CTNNBL1: variants seen among roughly 807,000 people sequenced by gnomAD.
CTNNBL1 encodes beta-catenin-like protein 1.
In CTNNBL1, 31 loss-of-function variants were observed where a neutral mutation model predicts 72.7. The observed-to-expected ratio is 0.43, with a 90% CI of 0.32 to 0.58. CTNNBL1 has a LOEUF of 0.58. CTNNBL1 is among the 20% of genes least tolerant of loss of function. CTNNBL1 has a pLI of 0.08. For missense variants in CTNNBL1, 534 were observed against 725.1 expected (o/e 0.74, Z 3.03); for synonymous variants, 240 against 267.3 (o/e 0.90, Z 1.00).
Position 37,696,496 on chromosome 20 carries a change from T to C in CTNNBL1, c.30+2344T>C, listed in dbSNP as rs1288429327. Among the ~76,000 whole-genome samples, 4 of 139,938 alleles carry C rather than the reference T, an allele frequency of 2.9e-5. No individual in the cohort carries two copies. The East Asian group carries it at 8.5e-4, about 30-fold the overall frequency. The allele number at this position is 139,938 out of a possible 152,430, so 91.8% of individuals were successfully genotyped here. On this transcript the variant is annotated intron_variant, in intron 1 of 15. Coordinates refer to ENST00000361383, the MANE Select transcript of CTNNBL1 (RefSeq NM_030877.5). ...TTCACTCTTGTTGCCCAGGCTGGAG[T>C]GCAATGGTGAGATCTCAGCTGACTG...
chr20:37,785,657 A>G (rs751321324), intron 10 of CTNNBL1, among the ~76,000 whole-genome samples: 12 of 152,208 alleles, frequency 7.9e-5, no homozygotes, highest in South Asian at 2.1e-4. Context: ...TGTTATCTCA[A>G]ATTTCATAAA....
chr20:37,833,579 T>TGTGC (rs1424298252), intron 11 of CTNNBL1, among the ~76,000 whole-genome samples: 2 of 152,200 alleles, frequency 1.3e-5, no homozygotes, highest in Admixed American at 6.5e-5. Flanking sequence ...TGTGTGTGTG[T>TGTGC]GTGCGTGTGT....
At chr20:37,830,430 G>A (rs1213226302) in intron 11 of CTNNBL1, among the ~76,000 whole-genome samples, 3 of 152,072 alleles carry the variant, frequency 2.0e-5, no homozygotes, top group Non-Finnish European at 4.4e-5. Context: ...TCTGGTGAAC[G>A]GAGCCTTCCC....
At chr20:37,860,251 A>C (rs769950293) in intron 14 of CTNNBL1, 21 bp from the exon 15 acceptor site, 5 of 1,606,118 alleles carry the variant, frequency 3.1e-6, no homozygotes, top group African/African-American at 2.7e-5. Context: ...TTCTTTCTCT[A>C]CCCATTTTTT....
At chr20:37,870,319 C>T (rs1392951783) in intron 15 of CTNNBL1, among the ~76,000 whole-genome samples, 1 of 152,024 alleles carries the variant, frequency 6.6e-6, no homozygotes, top group African/African-American at 2.4e-5. Flanking sequence ...AGACTATTCT[C>T]TCTCCCTCCC....
At chr20:37,723,801 T>A (rs1357185665) in intron 1 of CTNNBL1, among the ~76,000 whole-genome samples, 2 of 152,236 alleles carry the variant, frequency 1.3e-5, no homozygotes, top group African/African-American at 4.8e-5. Flanking sequence ...TTATGAACTT[T>A]GGCTGATGAT....
chr20:37,766,509 G>T (rs927842265), intron 6 of CTNNBL1, among the ~76,000 whole-genome samples: 2 of 152,198 alleles, frequency 1.3e-5, no homozygotes, highest in Admixed American at 6.5e-5. Flanking sequence ...GACAATGCTG[G>T]GTGACAGACG....
intron 10 of CTNNBL1, among the ~76,000 whole-genome samples, chr20:37,801,915 TG>T (rs1326507076): frequency 6.6e-6 from 1 of 152,248 alleles, no homozygotes; most frequent in African/African-American, 2.4e-5. Context: ...TAAAACTATC[TG>T]TTTGCAGATA....
chr20:37,735,430 G>A (rs771227481), intron 2 of CTNNBL1, among the ~76,000 whole-genome samples: 1 of 152,246 alleles, frequency 6.6e-6, no homozygotes, highest in African/African-American at 2.4e-5. Context: ...TATTCTAAGT[G>A]TGTAGTGGAT....
At chr20:37,783,476 A>G (rs238304) in intron 10 of CTNNBL1, among the ~76,000 whole-genome samples, 78,735 of 151,908 alleles carry the variant, frequency 0.52, 23,079 homozygotes, top group East Asian at 0.83. Context: ...AAGTTTTTCT[A>G]CTTTTTTGTT....
chr20:37,801,405 C>G (rs2073822372), intron 10 of CTNNBL1, among the ~76,000 whole-genome samples: 1 of 152,100 alleles, frequency 6.6e-6, no homozygotes, highest in African/African-American at 2.4e-5. Flanking sequence ...ACTTGCTTCT[C>G]TCTACTTCAG....
At chr20:37,800,358 G>A (rs982200476) in intron 10 of CTNNBL1, among the ~76,000 whole-genome samples, 4 of 152,222 alleles carry the variant, frequency 2.6e-5, no homozygotes, top group East Asian at 1.9e-4. Context: ...TTACTAAGGC[G>A]TAACCTACAC....
chr20:37,865,834 C>G (rs1393832526), intron 15 of CTNNBL1, among the ~76,000 whole-genome samples: 2 of 152,264 alleles, frequency 1.3e-5, no homozygotes, highest in African/African-American at 2.4e-5. Flanking sequence ...ACTCAAAACT[C>G]TCTCACTGCT....
intron 4 of CTNNBL1, among the ~76,000 whole-genome samples, chr20:37,755,590 A>C (rs1009652457): frequency 6.6e-6 from 1 of 152,264 alleles, no homozygotes; most frequent in Non-Finnish European, 1.5e-5. Flanking sequence ...TCAGCTGGTC[A>C]GTTAGAGATG....
chr20:37,814,626 A>C (rs1175558877), intron 11 of CTNNBL1, among the ~76,000 whole-genome samples: 2 of 152,210 alleles, frequency 1.3e-5, no homozygotes, highest in South Asian at 2.1e-4. Context: ...ATATCAGCTA[A>C]ACAGCTTTGA....
intron 1 of CTNNBL1, among the ~76,000 whole-genome samples, chr20:37,718,249 C>T (rs1167901057): frequency 1.5e-3 from 213 of 145,764 alleles, no homozygotes; most frequent in Non-Finnish European, 2.6e-3. Context: ...GACCCCCCCA[C>T]CTCCCTCCCG....
At chr20:37,812,721 C>T (rs531103811) in intron 11 of CTNNBL1, among the ~76,000 whole-genome samples, 2 of 152,266 alleles carry the variant, frequency 1.3e-5, no homozygotes, top group South Asian at 2.1e-4. Context: ...GTTCACACAG[C>T]CCAGCCAGGG....
intron 10 of CTNNBL1, among the ~76,000 whole-genome samples, chr20:37,790,775 G>C (rs2073717524): frequency 6.6e-6 from 1 of 152,170 alleles, no homozygotes; most frequent in South Asian, 2.1e-4. Flanking sequence ...TTCCAGTGTA[G>C]TTTAAATCGC....
intron 13 of CTNNBL1, among the ~76,000 whole-genome samples, chr20:37,846,474 G>C (rs776848816): frequency 7.2e-5 from 11 of 152,262 alleles, no homozygotes; most frequent in Non-Finnish European, 1.5e-4. Flanking sequence ...GTATGTCCCA[G>C]TTTGTGTACT....
Sources: allele counts gnomAD v4.1 joint callset (sites outside exome capture counted in the v4.1 genomes callset), GRCh38; gene constraint gnomAD v4.1.1; transcripts MANE v1.5; gene names NCBI Gene and HGNC (gene_info 2026-07-23, HGNC 2026-07-21).